The following MGAT1 variants were observed in gnomAD, a reference collection of about 807,000 sequenced individuals.
MGAT1 encodes alpha-1,3-mannosyl-glycoprotein 2-beta-N-acetylglucosaminyltransferase, also known as N-glycosyl-oligosaccharide-glycoprotein N-acetylglucosaminyltransferase I.
A neutral mutation model predicts 31.7 loss-of-function variants in MGAT1; 14 were observed. That is an observed-to-expected ratio of 0.44 (90% CI 0.29 to 0.69). The LOEUF (loss-of-function observed/expected upper bound fraction) is 0.69, where lower values mean the gene tolerates loss of function less well. Among genes scored for constraint, MGAT1 ranks in the 30% least tolerant of loss-of-function variants. The probability of loss-of-function intolerance (pLI) is 0.12; values close to 1 mark genes in which losing one functional copy is unlikely to be tolerated. For missense variants in MGAT1, 557 were observed against 626.0 expected, an observed-to-expected ratio of 0.89 and a Z score of 1.18; for synonymous variants, 338 against 276.0, an observed-to-expected ratio of 1.22 and a Z score of -2.23.
rs900220461 is a variant in MGAT1 at position 180,792,976 on chromosome 5, G to GC, written c.-6dup. On this transcript the variant is annotated 5_prime_UTR_variant, in exon 2 of 2. Transcript: ENST00000307826. Reference sequence around the variant, plus strand: ...TGCAGACTGCTTCTTCAGCATCCTGGCCCCCACCGGGGAGGGCAGGCCAGG... The same window carrying GC: ...TGCAGACTGCTTCTTCAGCATCCTGGCCCCCCACCGGGGAGGGCAGGCCAGG... 6.8e-6 allele frequency: 11 copies of GC among 1,612,894 alleles called. No homozygotes were observed. The African/African-American group carries it at 1.5e-4, about 22-fold the overall frequency.
intron 1 of MGAT1, chr5:180,810,823 C>T (rs1042454729): frequency 6.6e-6 from 1 of 152,402 alleles, no homozygotes; most frequent in Non-Finnish European, 1.5e-5. Context: ...TTTCTCGCTG[C>T]CTCTCTTGAC....
chr5:180,787,060 CCA>C lies in MGAT1; in HGVS notation c.*4572_*4573del, dbSNP rs1767614536. On this transcript the variant is annotated 3_prime_UTR_variant, in exon 2 of 2. Coordinates refer to ENST00000307826, the MANE Select transcript of MGAT1 (RefSeq NM_002406.4). Reference sequence around the variant, plus strand: ...AAAGCAGTGGAGACAGAGATTTCCACCAGGCTTTACTCACAATGCAGCCATAC... The same window carrying C: ...AAAGCAGTGGAGACAGAGATTTCCACGGCTTTACTCACAATGCAGCCATAC... 1 of 152,310 alleles carries C rather than the reference CCA, an allele frequency of 6.6e-6. No homozygotes were observed. The highest frequency in any genetic ancestry group is 1.5e-5 in the Non-Finnish European group (1 of 68,124). 9.4% of individuals were successfully genotyped at this position (152,310 alleles called of 1,614,324 possible). A position where few individuals can be genotyped will look rare whatever the true frequency, so the allele number is the denominator to read the frequency against.
rs1316655588 is a variant in MGAT1, at chr5:180,787,117, T to G, written c.*4517A>C. 2 of 152,296 alleles carry G rather than the reference T, an allele frequency of 1.3e-5. No individual in the cohort carries two copies. Among genetic ancestry groups the G allele is most frequent in the African/African-American group, 4.8e-5 (2 of 41,442 alleles). 9.4% of individuals were successfully genotyped at this position (152,296 alleles called of 1,614,324 possible). ...TAATCCCACAGCCACCACAGAAGGT[T>G]GTGTTACCCCCGCCTCACAGGAAGA... On this transcript the variant is annotated 3_prime_UTR_variant, in exon 2 of 2. Coordinates refer to ENST00000307826, the MANE Select transcript of MGAT1 (RefSeq NM_002406.4).
At position 180,792,454 on chromosome 5, in the gene MGAT1, G is replaced by A. The variant is rs1484605908; in HGVS notation, c.518C>T (p.Pro173Leu). The change falls in exon 2 of 2, where the codon CCG becomes CTG. Residue 173 changes from proline (P) to leucine (L), a missense_variant. Physicochemically the swap from Pro to Leu is moderately conservative, Grantham distance 98. Transcript: ENST00000307826. ...GCCCTGGAACTTGCGGTGGTCCGGC[G>A]GCACCGCAATGCTGCTCAGGTCGGG... ...RQPDLSSIAV[P>L]PDHRKFQGYY... 6 of 1,612,310 alleles carry A rather than the reference G, an allele frequency of 3.7e-6. No individual in the cohort carries two copies. The highest frequency in any genetic ancestry group is 4.2e-6 in the Non-Finnish European group (5 of 1,179,532).
rs1767605947 is a variant in MGAT1 at position 180,786,942 on chromosome 5, C to T, written c.*4692G>A. Reference sequence around the variant, plus strand: ...GTAACAGCCTTGGCACTACCCGGCCCCCTTTCTATCAACTGCCCCCGCTCT... The same window carrying T: ...GTAACAGCCTTGGCACTACCCGGCCTCCTTTCTATCAACTGCCCCCGCTCT... On this transcript the variant is annotated 3_prime_UTR_variant, in exon 2 of 2. Transcript: ENST00000307826. The T allele has an allele frequency of 6.6e-6, 1 of 152,326 alleles. No individual in the cohort carries two copies. The highest frequency in any genetic ancestry group is 2.1e-4 in the South Asian group (1 of 4,830). The allele number at this position is 152,326 out of a possible 1,614,324, so 9.4% of individuals were successfully genotyped here.
chr5:180,806,831 A>C (rs1379579375), upstream of MGAT1, among the ~76,000 whole-genome samples: 1 of 152,256 alleles, frequency 6.6e-6, no homozygotes, highest in East Asian at 1.9e-4. Context: ...CTGAGGAGGC[A>C]CCGTGGCATC....
At chr5:180,805,840 C>T (rs1207868149), upstream of MGAT1, among the ~76,000 whole-genome samples, 4 of 152,108 alleles carry the variant, frequency 2.6e-5, no homozygotes, top group Non-Finnish European at 5.9e-5. Flanking sequence ...CTCTCCCTCA[C>T]CCCACAATGG....
In MGAT1 at chr5:180,785,244, T is replaced by A. The variant is rs1767491976; in HGVS notation, c.*6390A>T. The A allele has an allele frequency of 6.6e-6, 1 of 152,226 alleles. No homozygotes were observed. 9.4% of individuals were successfully genotyped at this position (152,226 alleles called of 1,614,324 possible). On this transcript the variant is annotated 3_prime_UTR_variant, in exon 2 of 2. Coordinates refer to ENST00000307826, the MANE Select transcript of MGAT1 (RefSeq NM_002406.4). ...GTTCAAACATTCCATTCTGGTCACA[T>A]AAAATCTTCCACCGTTTCAAGGACA...
At chr5:180,813,333 C>T (rs1018971111) in intron 1 of MGAT1, among the ~76,000 whole-genome samples, 4 of 152,146 alleles carry the variant, frequency 2.6e-5, no homozygotes, top group African/African-American at 9.7e-5. Flanking sequence ...TGTTTTTATG[C>T]ATCACTTTTG....
chr5:180,811,440 C>A (rs902308183), intron 1 of MGAT1: 1 of 152,178 alleles, frequency 6.6e-6, no homozygotes, highest in Non-Finnish European at 1.5e-5. Context: ...TCTTCCCCCA[C>A]CTTCAAACCT....
chr5:180,808,244 C>A (rs1772116934), intron 2 of MGAT1, among the ~76,000 whole-genome samples: 1 of 152,198 alleles, frequency 6.6e-6, no homozygotes, highest in South Asian at 2.1e-4. Context: ...CACCAGCAGT[C>A]CTTTTCAGTT....
Position 180,791,560 on chromosome 5 carries a change from A to T in MGAT1, c.*74T>A. On this transcript the variant is annotated 3_prime_UTR_variant, in exon 2 of 2. Transcript: ENST00000307826. ...CTAAGAGGGAAACACAGGCAGGCCGATGCAGCCTGGGGACTGTGGTCCCAC... is the reference window on the plus strand; with the variant it reads ...CTAAGAGGGAAACACAGGCAGGCCGTTGCAGCCTGGGGACTGTGGTCCCAC... The T allele has an allele frequency of 1.3e-6, 2 of 1,526,094 alleles. No individual in the cohort carries two copies. The highest frequency in any genetic ancestry group is 1.8e-6 in the Non-Finnish European group (2 of 1,130,080). The allele number at this position is 1,526,094 out of a possible 1,614,324, so 94.5% of individuals were successfully genotyped here. A position where few individuals can be genotyped will look rare whatever the true frequency, so the allele number is the denominator to read the frequency against.
chr5:180,792,463 ATGC>A lies in MGAT1; in HGVS notation c.506_508del (p.Ser169del). 6.2e-7 allele frequency: 1 copy of A among 1,612,844 alleles called. No individual in the cohort carries two copies. The highest frequency in any genetic ancestry group is 2.2e-5 in the East Asian group (1 of 44,866). Reference sequence around the variant, plus strand: ...CTTGCGGTGGTCCGGCGGCACCGCAATGCTGCTCAGGTCGGGCTGCCGGATGTG... The same window carrying A: ...CTTGCGGTGGTCCGGCGGCACCGCAATGCTCAGGTCGGGCTGCCGGATGTG... On this transcript the variant is annotated inframe_deletion, in exon 2 of 2. Transcript: ENST00000307826.
intron 1 of MGAT1, among the ~76,000 whole-genome samples, chr5:180,812,259 G>A (rs759930537): frequency 7.2e-5 from 11 of 152,204 alleles, no homozygotes; most frequent in Non-Finnish European, 1.2e-4. Flanking sequence ...TTTCACCGCA[G>A]AGTATTCCCC....
At chr5:180,814,584 A>G (rs1581936807) in intron 1 of MGAT1, among the ~76,000 whole-genome samples, 1 of 152,164 alleles carries the variant, frequency 6.6e-6, no homozygotes, top group East Asian at 1.9e-4. Context: ...CAGAAGTCAC[A>G]TGGCTTCCAG....
At chr5:180,796,225 G>A (rs1200849447) in intron 1 of MGAT1, among the ~76,000 whole-genome samples, 1 of 152,092 alleles carries the variant, frequency 6.6e-6, no homozygotes, top group Admixed American at 6.5e-5. Context: ...GGCCTCTAAA[G>A]AGACATGGAT....
chr5:180,812,319 A>G (rs1772627115), intron 1 of MGAT1, among the ~76,000 whole-genome samples: 1 of 152,240 alleles, frequency 6.6e-6, no homozygotes, highest in South Asian at 2.1e-4. Flanking sequence ...TAAGCACAGT[A>G]TACAGATTTT....
In MGAT1 at chr5:180,785,471, G is replaced by A. The variant is rs1767506074; in HGVS notation, c.*6163C>T. The A allele has an allele frequency of 6.6e-6, 1 of 152,348 alleles. No homozygotes were observed. Among genetic ancestry groups the A allele is most frequent in the African/African-American group, 2.4e-5 (1 of 41,470 alleles). 9.4% of individuals were successfully genotyped at this position (152,348 alleles called of 1,614,324 possible). A position where few individuals can be genotyped will look rare whatever the true frequency, so the allele number is the denominator to read the frequency against. On this transcript the variant is annotated 3_prime_UTR_variant, in exon 2 of 2. Transcript: ENST00000307826. ...AGGGATGTCCTCACGGCCCCTGTGGGTGACGGTGGCCATGGGTGACGGTGG... is the reference window on the plus strand; with the variant it reads ...AGGGATGTCCTCACGGCCCCTGTGGATGACGGTGGCCATGGGTGACGGTGG...
rs1293699632 is a variant in MGAT1, at chr5:180,786,946, T to G, written c.*4688A>C. ...CAGCCTTGGCACTACCCGGCCCCCT[T>G]TCTATCAACTGCCCCCGCTCTGCCC... On this transcript the variant is annotated 3_prime_UTR_variant, in exon 2 of 2. Coordinates refer to ENST00000307826, the MANE Select transcript of MGAT1 (RefSeq NM_002406.4). The G allele has an allele frequency of 6.6e-6, 1 of 152,270 alleles. No individual in the cohort carries two copies. The highest frequency in any genetic ancestry group is 1.5e-5 in the Non-Finnish European group (1 of 68,116). The allele number at this position is 152,270 out of a possible 1,614,324, so 9.4% of individuals were successfully genotyped here. A position where few individuals can be genotyped will look rare whatever the true frequency, so the allele number is the denominator to read the frequency against.
Sources: gnomAD v4.1 joint callset for allele counts (sites outside exome capture counted in the v4.1 genomes callset) on GRCh38, gnomAD v4.1.1 for gene constraint, MANE v1.5 for transcripts, NCBI Gene and HGNC (gene_info 2026-07-23, HGNC 2026-07-21) for gene names.